The following KIAA1210 variants were observed in gnomAD, a reference collection of about 807,000 sequenced individuals.
KIAA1210 encodes the protein acrosomal protein KIAA1210.
In KIAA1210, 48 loss-of-function variants were observed where a neutral mutation model predicts 78.9. The ratio of observed to expected loss-of-function variants is 0.61; its 90% CI spans 0.48 to 0.77. The LOEUF (loss-of-function observed/expected upper bound fraction) is 0.77, where lower values mean the gene tolerates loss of function less well. Among genes scored for constraint, KIAA1210 ranks in the 30% least tolerant of loss-of-function variants. The pLI is 0.00. For missense variants in KIAA1210, 1,108 were observed against 1,100.0 expected (o/e 1.01, Z -0.10); for synonymous variants, 406 against 404.5 (o/e 1.00, Z -0.04).
At chrX:119,090,140 C>T (rs1331690752) in intron 8 of KIAA1210, among the ~76,000 whole-genome samples, 1 of 107,381 alleles carries the variant, frequency 9.3e-6, no homozygotes, top group African/African-American at 3.4e-5. Context: ...TAATATTTAT[C>T]TGAACTACCT....
At chrX:119,131,332 G>A (rs1439519973), upstream of KIAA1210, among the ~76,000 whole-genome samples, 1 of 111,462 alleles carries the variant, frequency 9.0e-6, no homozygotes, top group East Asian at 2.8e-4. Flanking sequence ...TTATACGTGG[G>A]AGCTAAACAT....
chrX:119,135,492 G>A (rs1276232811), intron 2 of KIAA1210, among the ~76,000 whole-genome samples: 1 of 111,773 alleles, frequency 8.9e-6, no homozygotes, highest in Non-Finnish European at 1.9e-5. Flanking sequence ...GGAGGGGCAG[G>A]AAAGCATGAG....
intron 7 of KIAA1210, 110 bp downstream of exon 7, chrX:119,096,384 T>C: frequency 1.4e-6 from 1 of 710,579 alleles, no homozygotes; most frequent in African/African-American, 2.1e-5. Context: ...CAAGCTTACT[T>C]AGGGCATGAG....
rs376245348 is a variant in KIAA1210 at position 119,088,766 on chromosome X, C to A, written c.1936G>T (p.Val646Phe). ...TCCTCAGAGCTGCTCAAGTCCTCAA[C>A]AAAACTTTTTGATTCTGAGAAGACT... ...QEVFSESKSF[V>F]EDLSSSEEEL... The change falls in exon 9 of 12, where the codon GTT (valine) becomes TTT (phenylalanine). Residue 646 changes from valine (V) to phenylalanine (F), a missense_variant. Around this residue, in one of 5 missense-constraint regions of KIAA1210, gnomAD observed 672 missense variants for 607.1 expected, o/e 1.11. Coordinates refer to ENST00000691062, the MANE Select transcript of KIAA1210 (RefSeq NM_001394962.1). 3.1e-5 allele frequency: 37 copies of A among 1,209,726 alleles called. No individual in the cohort carries two copies. In the African/African-American group the frequency reaches 4.5e-4, roughly 15 times the overall value.
intron 3 of KIAA1210, among the ~76,000 whole-genome samples, chrX:119,115,691 A>G (rs1252483929): frequency 8.9e-6 from 1 of 112,135 alleles, no homozygotes; most frequent in Admixed American, 9.5e-5. Context: ...GGGAGTCCAG[A>G]TAAGTCTGGC....
Position 119,109,136 on chromosome X carries a change from A to C in KIAA1210, c.297T>G (p.Pro99=). The change falls in exon 4 of 12, where the codon CCT becomes CCG. Residue 99 remains proline (P), a synonymous_variant. Transcript: ENST00000691062. The stretch of plus-strand genomic sequence containing the variant: ...GAAACATTTTACTTGCTGATCTTTC[A>C]GGCTCAGGACCCAACATGAAGATGC... ...HDSIFMLGPE[P]ERSASKMFPS... is the part of the protein sequence containing the mutation. 1 of 1,207,478 alleles carries C rather than the reference A, an allele frequency of 8.3e-7. No individual in the cohort carries two copies. Among genetic ancestry groups the C allele is most frequent in the Non-Finnish European group, 1.1e-6 (1 of 892,240 alleles).
At position 119,081,157 on chromosome X, in the gene KIAA1210, G is replaced by C. The variant is rs372881706; in HGVS notation, c.*172C>G. The C allele has an allele frequency of 5.9e-6, 2 of 337,558 alleles. No homozygotes were observed. The highest frequency in any genetic ancestry group is 5.8e-5 in the Admixed American group (1 of 17,124). The allele number at this position is 337,558 out of a possible 1,213,427, so 27.8% of individuals were successfully genotyped here. On this transcript the variant is annotated 3_prime_UTR_variant, in exon 12 of 12. Coordinates refer to ENST00000691062, the MANE Select transcript of KIAA1210 (RefSeq NM_001394962.1). The stretch of plus-strand genomic sequence containing the variant: ...TGGCGGGCGCCTGTAGTCCCAGCTA[G>C]TCGGGAGACTGAGGCGGGAGAGTGG...
chrX:119,089,128 T>C lies in KIAA1210; in HGVS notation c.1574A>G (p.Gln525Arg), dbSNP rs1306243060. The change falls in exon 9 of 12, where the codon CAG becomes CGG. Residue 525 changes from glutamine to arginine, a missense_variant. Coordinates refer to ENST00000691062, the MANE Select transcript of KIAA1210 (RefSeq NM_001394962.1). ...GCTGAAAGCTTCTTGATCTTCTAAC[T>C]GGATATGAGAAGGATTCATAAACAC... Reference protein sequence around the residue: ...AQVFMNPSHIQLEDQEAFSFD... With the variant: ...AQVFMNPSHIRLEDQEAFSFD... 3 of 1,211,866 alleles carry C rather than the reference T, an allele frequency of 2.5e-6. No individual in the cohort carries two copies. The highest frequency in any genetic ancestry group is 2.2e-6 in the Non-Finnish European group (2 of 895,349).
chrX:119,092,747 T>G (rs779236367), intron 8 of KIAA1210, among the ~76,000 whole-genome samples: 1 of 96,695 alleles, frequency 1.0e-5, no homozygotes, highest in Non-Finnish European at 2.1e-5. Context: ...GGTGACAGAG[T>G]GAGACTCCGT....
At chrX:119,134,317 A>T (rs1007175491) in intron 2 of KIAA1210, among the ~76,000 whole-genome samples, 1 of 112,496 alleles carries the variant, frequency 8.9e-6, no homozygotes, top group Non-Finnish European at 1.9e-5. Context: ...TAATTCTTTT[A>T]CATAGCCAAG....
chrX:119,098,158 T>C (rs1927615138), intron 6 of KIAA1210, among the ~76,000 whole-genome samples: 1 of 111,494 alleles, frequency 9.0e-6, no homozygotes, highest in Non-Finnish European at 1.9e-5. Flanking sequence ...CATTTCCTGC[T>C]CCAGACACAC....
chrX:119,081,335 C>A lies in KIAA1210; in HGVS notation c.4596G>T (p.Thr1532=). The A allele has an allele frequency of 1.7e-6, 2 of 1,186,399 alleles. No individual in the cohort carries two copies. The highest frequency in any genetic ancestry group is 3.8e-5 in the South Asian group (2 of 53,237). Residue 1532 remains threonine (T), a synonymous_variant, in exon 12 of 12, where the codon ACG becomes ACT. Transcript: ENST00000691062. ...TGCTCCACACAAGAGCTCTTTATTG[C>A]GTGATTTCTGCCATGTGGCTCCATG... ...AKAWSHMAEI[T]Q is the part of the protein sequence containing the mutation.
intron 2 of KIAA1210, among the ~76,000 whole-genome samples, chrX:119,142,925 G>A (rs2147200435): frequency 9.0e-6 from 1 of 110,997 alleles, no homozygotes; most frequent in East Asian, 2.8e-4. Flanking sequence ...CCATTCCCAT[G>A]ACCCACACAC....
intron 5 of KIAA1210, among the ~76,000 whole-genome samples, chrX:119,105,644 T>C (rs982154202): frequency 8.9e-6 from 1 of 112,228 alleles, no homozygotes; most frequent in Non-Finnish European, 1.9e-5. Context: ...CTGTGTTAGT[T>C]GCTTATCTTA....
chrX:119,089,462 C>G lies in KIAA1210; in HGVS notation c.1240G>C (p.Glu414Gln), dbSNP rs1040468240. 3.3e-6 allele frequency: 4 copies of G among 1,210,364 alleles called. No homozygotes were observed. Among genetic ancestry groups the G allele is most frequent in the African/African-American group, 3.5e-5 (2 of 57,306 alleles). The change falls in exon 9 of 12, where the codon GAG becomes CAG. Residue 414 changes from glutamate to glutamine, a missense_variant. Coordinates refer to ENST00000691062, the MANE Select transcript of KIAA1210 (RefSeq NM_001394962.1). ...RNVPFSHLSL[E>Q]KDNMEQPTTS... is the part of the protein sequence containing the mutation. ...GTAGGCTGCTCCATGTTGTCCTTCT[C>G]TAAGGACAAGTGCGAGAAAGGGACA...
chrX:119,093,869 C>A (rs1603266156), intron 7 of KIAA1210, 94 bp from the exon 8 acceptor site: 29 of 915,005 alleles, frequency 3.2e-5, no homozygotes, highest in Non-Finnish European at 4.3e-5. Flanking sequence ...GAAAAAAGTT[C>A]TTGATGCTGG....
Position 119,081,266 on chromosome X carries a change from CAAAAAAAA to C in KIAA1210, c.*55_*62del. On this transcript the variant is annotated 3_prime_UTR_variant, in exon 12 of 12. Transcript: ENST00000691062. The stretch of plus-strand genomic sequence containing the variant: ...TGGGTAACAGAGCGAGACTCTGTCT[CAAAAAAAA>C]AAAAAAAAAAAAAAACTAAATAAAA... 5.3e-6 allele frequency: 3 copies of C among 560,829 alleles called. No individual in the cohort carries two copies. The highest frequency in any genetic ancestry group is 7.1e-6 in the Non-Finnish European group (3 of 425,419). The allele number at this position is 560,829 out of a possible 1,213,427, so 46.2% of individuals were successfully genotyped here.
At chrX:119,150,969 C>T (rs1929286081), upstream of KIAA1210, among the ~76,000 whole-genome samples, 1 of 112,449 alleles carries the variant, frequency 8.9e-6, no homozygotes, top group Non-Finnish European at 1.9e-5. Context: ...GAAAGCTAGC[C>T]ATGGTGCTGC....
At chrX:119,137,839 T>C (rs761666865) in intron 2 of KIAA1210, among the ~76,000 whole-genome samples, 3 of 110,014 alleles carry the variant, frequency 2.7e-5, no homozygotes, top group Non-Finnish European at 5.7e-5. Context: ...GCCCCAAGAG[T>C]TGTGGAACAA....
Sources: allele counts gnomAD v4.1 joint callset (sites outside exome capture counted in the v4.1 genomes callset), GRCh38; gene constraint gnomAD v4.1.1; regional missense constraint gnomAD v4.1.1; transcripts MANE v1.5; gene names NCBI Gene and HGNC (gene_info 2026-07-23, HGNC 2026-07-21).